The following FILIP1 variants were observed in gnomAD, a reference collection of about 807,000 sequenced individuals.
FILIP1 encodes the protein filamin A interacting protein 1.
A neutral mutation model predicts 102.1 loss-of-function variants in FILIP1; 61 were observed. The observed-to-expected ratio is 0.60, with a 90% CI of 0.49 to 0.74. The LOEUF (loss-of-function observed/expected upper bound fraction) is 0.74. Among genes scored for constraint, FILIP1 ranks in the 30% least tolerant of loss-of-function variants. FILIP1 has a pLI of 0.00. For missense variants in FILIP1, 1,314 were observed against 1,441.2 expected, an observed-to-expected ratio of 0.91 and a Z score of 1.43; for synonymous variants, 491 against 526.9, an observed-to-expected ratio of 0.93 and a Z score of 0.93.
intron 3 of FILIP1, among the ~76,000 whole-genome samples, chr6:75,353,977 T>TG (rs151245991): frequency 1.1e-4 from 17 of 151,984 alleles, no homozygotes; most frequent in Non-Finnish European, 2.2e-4. Flanking sequence ...TTTCCTTTTT[T>TG]GGGGGGGTGG....
intron 5 of FILIP1, among the ~76,000 whole-genome samples, chr6:75,311,622 A>G (rs4708178): frequency 0.75 from 114,470 of 151,968 alleles, 44,133 homozygotes; most frequent in African/African-American, 0.93. Context: ...TCAGCCTCCC[A>G]AGTAGCTGGG....
At chr6:75,489,069 T>C (rs1319259446) in intron 1 of FILIP1, among the ~76,000 whole-genome samples, 1 of 152,148 alleles carries the variant, frequency 6.6e-6, no homozygotes, top group Non-Finnish European at 1.5e-5. Context: ...TTTAATAATG[T>C]GTTCTTGCAT....
At chr6:75,427,127 A>G (rs1347779677) in intron 1 of FILIP1, among the ~76,000 whole-genome samples, 1 of 152,130 alleles carries the variant, frequency 6.6e-6, no homozygotes, top group Non-Finnish European at 1.5e-5. Flanking sequence ...TGGAATTTTG[A>G]TTTGGTCTAG....
chr6:75,319,582 G>A, intron 4 of FILIP1: 2 of 492,182 alleles, frequency 4.1e-6, no homozygotes, highest in Middle Eastern at 7.0e-4. Flanking sequence ...TGTAATCCCA[G>A]CACTTTGGGA....
At chr6:75,321,521 G>C (rs911783880) in intron 4 of FILIP1, among the ~76,000 whole-genome samples, 1 of 152,202 alleles carries the variant, frequency 6.6e-6, no homozygotes, top group Admixed American at 6.5e-5. Flanking sequence ...TCGGCCGGGC[G>C]CGGTGGCTCA....
chr6:75,372,307 C>CG (rs1775547102), intron 2 of FILIP1, among the ~76,000 whole-genome samples: 1 of 142,242 alleles, frequency 7.0e-6, no homozygotes, highest in Non-Finnish European at 1.5e-5. Context: ...GTGGAGGTTG[C>CG]GATGAGCTGA....
chr6:75,318,967 G>T, intron 4 of FILIP1: 2 of 571,548 alleles, frequency 3.5e-6, no homozygotes, highest in South Asian at 1.9e-5. Flanking sequence ...TAAAAAGAGT[G>T]AGTTGTGTAC....
chr6:75,461,759 G>A (rs1222127471), intron 1 of FILIP1, among the ~76,000 whole-genome samples: 1 of 152,180 alleles, frequency 6.6e-6, no homozygotes, highest in Non-Finnish European at 1.5e-5. Context: ...AAGTTGCCTG[G>A]ACATACACAT....
chr6:75,407,850 T>A (rs1347465775), intron 2 of FILIP1, among the ~76,000 whole-genome samples: 3 of 152,214 alleles, frequency 2.0e-5, no homozygotes, highest in Non-Finnish European at 4.4e-5. Flanking sequence ...AATGGCTATT[T>A]TTTTGCATCA....
At chr6:75,427,930 A>T (rs913658477) in intron 1 of FILIP1, among the ~76,000 whole-genome samples, 14 of 152,180 alleles carry the variant, frequency 9.2e-5, no homozygotes, top group African/African-American at 3.4e-4. Context: ...TTGTTTGTTA[A>T]CACTAGAGGA....
intron 1 of FILIP1, among the ~76,000 whole-genome samples, chr6:75,425,919 C>T (rs956987636): frequency 3.3e-5 from 5 of 152,010 alleles, no homozygotes; most frequent in African/African-American, 1.2e-4. Context: ...AGGGACAAAA[C>T]TACTTTACTC....
At chr6:75,389,319 T>G (rs565170544) in intron 2 of FILIP1, among the ~76,000 whole-genome samples, 5 of 152,328 alleles carry the variant, frequency 3.3e-5, no homozygotes, top group South Asian at 2.1e-4. Context: ...TCAGGGATAT[T>G]GGCCTGAAAT....
At chr6:75,400,837 A>G (rs565914701) in intron 2 of FILIP1, among the ~76,000 whole-genome samples, 1 of 152,252 alleles carries the variant, frequency 6.6e-6, no homozygotes, top group Non-Finnish European at 1.5e-5. Flanking sequence ...GGAAGTAAAG[A>G]AAGTTGAGGC....
intron 4 of FILIP1, among the ~76,000 whole-genome samples, chr6:75,334,487 AG>A (rs1774176246): frequency 6.6e-6 from 1 of 152,180 alleles, no homozygotes; most frequent in South Asian, 2.1e-4. Flanking sequence ...CAGATTAGTC[AG>A]GGCTCTACAA....
intron 1 of FILIP1, among the ~76,000 whole-genome samples, chr6:75,464,935 C>T (rs554885206): frequency 6.6e-6 from 1 of 152,266 alleles, no homozygotes; most frequent in South Asian, 2.1e-4. Flanking sequence ...GAAAATATAT[C>T]CAGAATATGA....
At chr6:75,442,620 A>G (rs1778304663) in intron 1 of FILIP1, among the ~76,000 whole-genome samples, 6 of 151,762 alleles carry the variant, frequency 4.0e-5, no homozygotes. Context: ...CAGGTGTGGC[A>G]GCGCGCGCCT....
chr6:75,385,368 C>T (rs141799705), intron 2 of FILIP1, among the ~76,000 whole-genome samples: 28 of 152,190 alleles, frequency 1.8e-4, no homozygotes, highest in African/African-American at 5.5e-4. Context: ...TGCTATTGGG[C>T]GCACTTGAAG....
intron 1 of FILIP1, among the ~76,000 whole-genome samples, chr6:75,455,466 A>G: frequency 6.6e-6 from 1 of 152,216 alleles, no homozygotes; most frequent in East Asian, 1.9e-4. Context: ...AAAAATAACT[A>G]AAGAAGAAAA....
exon 7 of FILIP1, chr6:75,291,911 G>A (rs1165532750): frequency 6.6e-6 from 1 of 152,176 alleles, no homozygotes; most frequent in African/African-American, 2.4e-5. Flanking sequence ...TCAAGATATT[G>A]CACAATGCTT....
Sources: allele counts gnomAD v4.1 joint callset (sites outside exome capture counted in the v4.1 genomes callset), GRCh38; gene constraint gnomAD v4.1.1; transcripts MANE v1.5; gene names NCBI Gene and HGNC (gene_info 2026-07-23, HGNC 2026-07-21).